The following RPS6KA5 variants were observed in gnomAD, a reference collection of about 807,000 sequenced individuals.
The protein encoded by RPS6KA5 is ribosomal protein S6 kinase alpha-5.
A neutral mutation model predicts 85.5 loss-of-function variants in RPS6KA5; 27 were observed. The observed-to-expected ratio is 0.32, with a 90% CI of 0.23 to 0.44. The LOEUF (loss-of-function observed/expected upper bound fraction) is 0.44. Among genes scored for constraint, RPS6KA5 ranks in the 20% least tolerant of loss-of-function variants. The pLI is 1.00. For synonymous variants in RPS6KA5, 334 were observed against 348.2 expected (o/e 0.96, Z 0.46); for missense variants, 811 against 980.9 (o/e 0.83, Z 2.31).
At chr14:90,921,606 A>ATT (rs1429718778) in intron 6 of RPS6KA5, among the ~76,000 whole-genome samples, 1 of 152,240 alleles carries the variant, frequency 6.6e-6, no homozygotes, top group Non-Finnish European at 1.5e-5. Flanking sequence ...TTTGACTGCC[A>ATT]TTTGAGTCAG....
Position 91,060,362 on chromosome 14 carries a change from G to A in RPS6KA5, c.73C>T (p.Leu25Phe), listed in dbSNP as rs770267401. Reference protein sequence around the residue: ...SADGGDGGEQLLTVKHELRTA... With the variant: ...SADGGDGGEQFLTVKHELRTA... ...CGCAGCTCGTGCTTGACAGTGAGGA[G>A]CTGCTCTCCTCCGTCGCCGCCGTCC... Residue 25 changes from leucine (L) to phenylalanine (F), a missense_variant, in exon 1 of 17, where the codon CTC (leucine) becomes TTC (phenylalanine). Physicochemically the swap from Leu to Phe is conservative, Grantham distance 22. This residue lies in a region of RPS6KA5 where 113 missense variants were observed against 100.0 expected (regional missense o/e 1.13). Transcript: ENST00000614987. 2.7e-6 allele frequency: 4 copies of A among 1,495,996 alleles called. No individual in the cohort carries two copies. Among genetic ancestry groups the A allele is most frequent in the South Asian group, 2.6e-5 (2 of 76,874 alleles). 92.7% of individuals were successfully genotyped at this position (1,495,996 alleles called of 1,614,324 possible). A position where few individuals can be genotyped will look rare whatever the true frequency, so the allele number is the denominator to read the frequency against.
At chr14:90,875,048 T>C in intron 15 of RPS6KA5, among the ~76,000 whole-genome samples, 153 bp downstream of exon 15, 1 of 152,178 alleles carries the variant, frequency 6.6e-6, no homozygotes, top group Non-Finnish European at 1.5e-5. Flanking sequence ...AATGTTCTGA[T>C]AAGAAAACAA....
intron 3 of RPS6KA5, among the ~76,000 whole-genome samples, chr14:90,965,090 T>C (rs1442196763): frequency 6.6e-6 from 1 of 152,058 alleles, no homozygotes; most frequent in Admixed American, 6.5e-5. Context: ...AGTGAGTAAA[T>C]ACCTCTTAAA....
Position 90,947,429 on chromosome 14 carries a change from T to A in RPS6KA5, c.510+6A>T. ...GAAAAGAAACCTGAAAAATGAAGAG[T>A]CTTACCTTGTGGAGATGTTCGAGGG... On this transcript the variant is annotated splice_donor_region_variant and intron_variant, in intron 4 of 16. Coordinates refer to ENST00000614987, the MANE Select transcript of RPS6KA5 (RefSeq NM_004755.4). 1 of 1,533,032 alleles carries A rather than the reference T, an allele frequency of 6.5e-7. No homozygotes were observed. The highest frequency in any genetic ancestry group is 9.0e-7 in the Non-Finnish European group (1 of 1,107,074). The allele number at this position is 1,533,032 out of a possible 1,614,324, so 95.0% of individuals were successfully genotyped here.
At chr14:90,959,922 C>A (rs1314846097) in intron 3 of RPS6KA5, among the ~76,000 whole-genome samples, 1 of 152,186 alleles carries the variant, frequency 6.6e-6, no homozygotes, top group African/African-American at 2.4e-5. Context: ...TACAAACAAA[C>A]CAGCAAGTAC....
intron 1 of RPS6KA5, among the ~76,000 whole-genome samples, chr14:91,059,118 G>C (rs1037656910): frequency 2.0e-5 from 3 of 151,964 alleles, no homozygotes; most frequent in African/African-American, 7.3e-5. Context: ...ACTTGAGGTC[G>C]GGAGTTCGCG....
intron 14 of RPS6KA5, among the ~76,000 whole-genome samples, chr14:90,888,623 G>A (rs1421554933): frequency 1.3e-5 from 2 of 152,084 alleles, no homozygotes; most frequent in African/African-American, 2.4e-5. Context: ...GTCATTGGGG[G>A]AAAACAACTG....
chr14:90,929,885 T>C (rs2140315520), intron 5 of RPS6KA5, among the ~76,000 whole-genome samples: 1 of 152,278 alleles, frequency 6.6e-6, no homozygotes, highest in South Asian at 2.1e-4. Flanking sequence ...TTCTTTTCTT[T>C]TTTGAGATAA....
At chr14:90,996,626 T>C (rs2040532252) in intron 2 of RPS6KA5, among the ~76,000 whole-genome samples, 1 of 152,104 alleles carries the variant, frequency 6.6e-6, no homozygotes. Flanking sequence ...ATTGGGTTAA[T>C]CAAAAGTATA....
intron 2 of RPS6KA5, among the ~76,000 whole-genome samples, chr14:90,995,170 T>G (rs909888909): frequency 1.3e-5 from 2 of 151,902 alleles, no homozygotes; most frequent in African/African-American, 4.8e-5. Context: ...GGATTACAGG[T>G]GCCCGCCACA....
chr14:91,001,490 A>G (rs2040795626), intron 1 of RPS6KA5, among the ~76,000 whole-genome samples: 1 of 152,228 alleles, frequency 6.6e-6, no homozygotes, highest in Admixed American at 6.5e-5. Flanking sequence ...CATAGTGGGG[A>G]AAAAACTGGA....
At chr14:90,941,591 G>C (rs893110489) in intron 5 of RPS6KA5, among the ~76,000 whole-genome samples, 7 of 152,192 alleles carry the variant, frequency 4.6e-5, no homozygotes, top group Admixed American at 1.3e-4. Context: ...TATGTGAACA[G>C]GGGCAGAGAT....
At chr14:90,965,293 G>C (rs535675350) in intron 3 of RPS6KA5, among the ~76,000 whole-genome samples, 234 of 152,220 alleles carry the variant, frequency 1.5e-3, no homozygotes, top group South Asian at 7.0e-3. Context: ...GCTGAGGCTT[G>C]AACCTGGGAG....
At chr14:90,889,044 AGC>A (rs747233044) in intron 14 of RPS6KA5, among the ~76,000 whole-genome samples, 145 of 152,346 alleles carry the variant, frequency 9.5e-4, no homozygotes, top group African/African-American at 2.9e-3. Context: ...CTGTAATCCC[AGC>A]ACTTTGGGAG....
At chr14:90,910,155 G>A (rs181994759) in intron 7 of RPS6KA5, among the ~76,000 whole-genome samples, 123 of 152,012 alleles carry the variant, frequency 8.1e-4, no homozygotes, top group African/African-American at 2.8e-3. Context: ...AGCTGTACAG[G>A]AAATAAAAAA....
At chr14:91,047,322 T>G (rs973045698) in intron 1 of RPS6KA5, among the ~76,000 whole-genome samples, 1 of 152,188 alleles carries the variant, frequency 6.6e-6, no homozygotes, top group Non-Finnish European at 1.5e-5. Context: ...GGCCTGAGAT[T>G]TGACACTTTC....
At chr14:90,949,898 A>G (rs930756056) in intron 3 of RPS6KA5, among the ~76,000 whole-genome samples, 2 of 152,216 alleles carry the variant, frequency 1.3e-5, no homozygotes, top group African/African-American at 4.8e-5. Flanking sequence ...TACTTTTGGG[A>G]TGGATTGACT....
At chr14:90,903,101 T>A in intron 8 of RPS6KA5, 132 bp from the exon 9 acceptor site, 1 of 769,076 alleles carries the variant, frequency 1.3e-6, no homozygotes, top group Non-Finnish European at 2.1e-6. Flanking sequence ...TTCAAATCAA[T>A]AATAAAAAAC....
intron 15 of RPS6KA5, among the ~76,000 whole-genome samples, chr14:90,874,572 A>AGAGTCTCCAAAGGATTTTTG (rs1349307982): frequency 2.6e-5 from 4 of 152,214 alleles, no homozygotes; most frequent in Non-Finnish European, 5.9e-5. Flanking sequence ...AAGCAAACAG[A>AGAGTCTCCAAAGGATTTTTG]GAGTCTCCAA....
Sources: allele counts gnomAD v4.1 joint callset (sites outside exome capture counted in the v4.1 genomes callset), GRCh38; gene constraint gnomAD v4.1.1; regional missense constraint gnomAD v4.1.1; transcripts MANE v1.5; gene names NCBI Gene and HGNC (gene_info 2026-07-23, HGNC 2026-07-21).